CELF2: variants seen among roughly 807,000 people sequenced by gnomAD.
CELF2 encodes the protein CUGBP Elav-like family member 2.
Under a neutral mutation model 62.6 loss-of-function variants are expected in CELF2, and 8 were observed. The observed-to-expected ratio is 0.13, with a 90% confidence interval of 0.07 to 0.23. The LOEUF (loss-of-function observed/expected upper bound fraction) is 0.23, where lower values mean the gene tolerates loss of function less well. Ranked by LOEUF, CELF2 falls within the 10% of genes least tolerant of loss-of-function variation. The pLI, the probability that CELF2 is intolerant of heterozygous loss-of-function variation, is 1.00. For missense variants in CELF2, 333 were observed against 671.0 expected, an observed-to-expected ratio of 0.50 and a Z score of 5.56; for synonymous variants, 258 against 250.0, an observed-to-expected ratio of 1.03 and a Z score of -0.30.
At chr10:10,857,651 A>ATATATATATATATATATATAGTT (rs2059808757) in intron 1 of CELF2, among the ~76,000 whole-genome samples, 8 of 53,358 alleles carry the variant, frequency 1.5e-4, no homozygotes, top group African/African-American at 4.6e-4. Flanking sequence ...TATATATAGT[A>ATATATATATATATATATATAGTT]TATATATATA....
the CELF2 span, among the ~76,000 whole-genome samples, chr10:10,646,327 G>C: frequency 2.4e-4 from 37 of 152,138 alleles, no homozygotes; most frequent in African/African-American, 8.7e-4. Context: ...TATGTGCCTG[G>C]GACAAATGGA....
the CELF2 span, among the ~76,000 whole-genome samples, chr10:10,697,903 C>T: frequency 2.0e-5 from 3 of 152,164 alleles, no homozygotes; most frequent in African/African-American, 7.2e-5. Context: ...AGGAATTCTC[C>T]CACTTCAGCC....
At chr10:10,513,155 T>C in the CELF2 span, among the ~76,000 whole-genome samples, 7 of 152,356 alleles carry the variant, frequency 4.6e-5, no homozygotes, top group South Asian at 1.5e-3. Context: ...CCAACTTCTG[T>C]GTACCTTAGT....
chr10:11,143,105 C>CT (rs1316418254), intron 1 of CELF2, among the ~76,000 whole-genome samples: 3 of 152,122 alleles, frequency 2.0e-5, no homozygotes, highest in Non-Finnish European at 4.4e-5. Context: ...GGGAATCTCG[C>CT]TCCCCTCGTG....
At chr10:11,205,221 C>G (rs2060164731) in intron 2 of CELF2, among the ~76,000 whole-genome samples, 1 of 152,172 alleles carries the variant, frequency 6.6e-6, no homozygotes, top group African/African-American at 2.4e-5. Context: ...GGCTCGTGGT[C>G]ATCACTTAGA....
intron 1 of CELF2, among the ~76,000 whole-genome samples, chr10:10,830,279 T>A (rs1376124213): frequency 1.1e-3 from 133 of 122,502 alleles, no homozygotes; most frequent in African/African-American, 2.4e-3. Flanking sequence ...GGAGTTCCTT[T>A]AAAAAAAAAA....
At chr10:10,682,603 C>A in the CELF2 span, among the ~76,000 whole-genome samples, 1 of 151,936 alleles carries the variant, frequency 6.6e-6, no homozygotes, top group Non-Finnish European at 1.5e-5. Flanking sequence ...TGCTTTTTGT[C>A]GTTCCTGGGA....
chr10:11,102,897 T>C (rs2052152705), intron 1 of CELF2, among the ~76,000 whole-genome samples: 1 of 152,166 alleles, frequency 6.6e-6, no homozygotes, highest in African/African-American at 2.4e-5. Flanking sequence ...AATTTTCCTT[T>C]CTTTTCATCG....
At chr10:10,819,080 T>A (rs547683894) in intron 1 of CELF2, among the ~76,000 whole-genome samples, 2 of 152,316 alleles carry the variant, frequency 1.3e-5, no homozygotes, top group African/African-American at 4.8e-5. Context: ...TGGTTATTAA[T>A]TCTGGGTAAA....
At chr10:10,816,845 C>G (rs933087166) in intron 1 of CELF2, among the ~76,000 whole-genome samples, 14 of 152,182 alleles carry the variant, frequency 9.2e-5, no homozygotes, top group African/African-American at 3.4e-4. Flanking sequence ...CAGCTTGTAG[C>G]CATAGGCTGT....
In CELF2 at chr10:11,257,723, A is replaced by G. The variant is rs372963819; in HGVS notation, c.404-15A>G. ...ATGAAATGGCCTTTGCTCATTCGTT[A>G]TTTTTATCTCCTAGCTGTGGAAGAC... On this transcript the variant is annotated splice_polypyrimidine_tract_variant and intron_variant, in intron 4 of 12. Transcript: ENST00000633077. 7.0e-5 allele frequency: 112 copies of G among 1,610,944 alleles called. No homozygotes were observed. Among genetic ancestry groups the G allele is most frequent in the Non-Finnish European group, 8.8e-5 (104 of 1,177,404 alleles).
the CELF2 span, among the ~76,000 whole-genome samples, chr10:10,566,163 G>A: frequency 6.6e-6 from 1 of 152,112 alleles, no homozygotes; most frequent in Non-Finnish European, 1.5e-5. Flanking sequence ...CCAGGGATAA[G>A]CATATTAGGT....
intron 2 of CELF2, among the ~76,000 whole-genome samples, chr10:11,175,563 A>C (rs1052439475): frequency 6.6e-6 from 1 of 152,194 alleles, no homozygotes; most frequent in South Asian, 2.1e-4. Flanking sequence ...GAGGTGGTGA[A>C]CTTAGAGCAT....
intron 2 of CELF2, among the ~76,000 whole-genome samples, chr10:11,204,037 A>G (rs1224312308): frequency 6.6e-6 from 1 of 152,224 alleles, no homozygotes; most frequent in Non-Finnish European, 1.5e-5. Context: ...GTTTGCCCAC[A>G]TCAGCCCCGT....
the CELF2 span, among the ~76,000 whole-genome samples, chr10:10,660,414 G>T: frequency 6.6e-6 from 1 of 152,148 alleles, no homozygotes; most frequent in Admixed American, 6.5e-5. Flanking sequence ...CTTTCAGCAA[G>T]CCCATGCCAT....
chr10:10,756,763 T>G, the CELF2 span, among the ~76,000 whole-genome samples: 1 of 152,214 alleles, frequency 6.6e-6, no homozygotes, highest in Non-Finnish European at 1.5e-5. Context: ...ATTGTCTTAG[T>G]GCAAATATAA....
intron 4 of CELF2, among the ~76,000 whole-genome samples, chr10:11,256,137 G>T (rs528620145): frequency 2.6e-4 from 40 of 152,340 alleles, no homozygotes; most frequent in African/African-American, 9.1e-4. Flanking sequence ...CTTCAGGGCC[G>T]TGCTGGCTCA....
chr10:10,799,059 G>A (rs752907610), intron 1 of CELF2, among the ~76,000 whole-genome samples: 7 of 152,148 alleles, frequency 4.6e-5, no homozygotes, highest in Non-Finnish European at 1.5e-5. Flanking sequence ...CAATGAGGGA[G>A]GACAGTCTTA....
chr10:10,513,713 T>A, the CELF2 span, among the ~76,000 whole-genome samples: 4 of 152,336 alleles, frequency 2.6e-5, no homozygotes, highest in East Asian at 1.9e-4. Flanking sequence ...TTGACTTTTT[T>A]AAAAGACTTT....
Sources: allele counts gnomAD v4.1 joint callset (sites outside exome capture counted in the v4.1 genomes callset), GRCh38; gene constraint gnomAD v4.1.1; transcripts MANE v1.5; gene names NCBI Gene and HGNC (gene_info 2026-07-23, HGNC 2026-07-21).